The following SFI1 variants were observed in gnomAD, a reference collection of about 807,000 sequenced individuals.
SFI1 encodes the protein SFI1 centrin binding protein, also known as protein SFI1 homolog.
A neutral mutation model predicts 207.5 loss-of-function variants in SFI1; 195 were observed. The observed-to-expected ratio is 0.94, with a 90% confidence interval of 0.84 to 1.06. The LOEUF (loss-of-function observed/expected upper bound fraction) is 1.06. SFI1 is among the 50% of genes least tolerant of loss of function. SFI1 has a pLI of 0.00. For synonymous variants in SFI1, 630 were observed against 598.9 expected, an observed-to-expected ratio of 1.05 and a Z score of -0.76; for missense variants, 1,634 against 1,588.0, an observed-to-expected ratio of 1.03 and a Z score of -0.49.
At chr22:31,595,114 A>T (rs569559467) in intron 15 of SFI1, among the ~76,000 whole-genome samples, 20 of 152,036 alleles carry the variant, frequency 1.3e-4, no homozygotes, top group Non-Finnish European at 2.5e-4. Flanking sequence ...CTCCTGCCTC[A>T]GCCTCCCAAG....
intron 1 of SFI1, among the ~76,000 whole-genome samples, chr22:31,499,659 A>G (rs1282250266): frequency 1.3e-5 from 2 of 152,200 alleles, no homozygotes; most frequent in African/African-American, 4.8e-5. Context: ...ATTACATGCT[A>G]TAGAGAAATC....
intron 8 of SFI1, among the ~76,000 whole-genome samples, chr22:31,562,050 A>C (rs1296656821): frequency 6.6e-6 from 1 of 152,226 alleles, no homozygotes; most frequent in Non-Finnish European, 1.5e-5. Flanking sequence ...AGTCCATGTG[A>C]ATACGTGCAG....
intron 2 of SFI1, among the ~76,000 whole-genome samples, chr22:31,511,192 T>C (rs2055449946): frequency 6.6e-6 from 1 of 152,116 alleles, no homozygotes; most frequent in Admixed American, 6.6e-5. Flanking sequence ...AGAATGAATT[T>C]GGTTGATCCA....
chr22:31,513,662 C>T (rs1569182532), intron 2 of SFI1, among the ~76,000 whole-genome samples: 1 of 151,846 alleles, frequency 6.6e-6, no homozygotes, highest in Non-Finnish European at 1.5e-5. Flanking sequence ...ACTGCAACCT[C>T]CGTCTCCTGG....
chr22:31,613,552 G>C (rs1382525763), intron 26 of SFI1, 22 bp downstream of exon 26: 1 of 1,580,200 alleles, frequency 6.3e-7, no homozygotes, highest in African/African-American at 1.3e-5. Flanking sequence ...GCCCCTTCCT[G>C]TGGGGAGCAG....
chr22:31,528,893 G>A (rs773481786), intron 3 of SFI1, 30 bp downstream of exon 3: 43 of 1,573,288 alleles, frequency 2.7e-5, no homozygotes, highest in Non-Finnish European at 3.5e-5. Flanking sequence ...CCAGTCTATG[G>A]GTACTTTGCT....
At chr22:31,508,417 T>C (rs1277631616) in intron 2 of SFI1, 41 bp downstream of exon 2, 2 of 1,366,230 alleles carry the variant, frequency 1.5e-6, no homozygotes, top group East Asian at 2.3e-5. Context: ...ACTGGAATGA[T>C]GGTTCATATA....
chr22:31,583,108 G>GTTGT lies in SFI1; in HGVS notation c.1249-747_1249-744dup, dbSNP rs566148743. Among the ~76,000 whole-genome samples, 257 of 151,308 alleles carry GTTGT rather than the reference G, an allele frequency of 1.7e-3. 1 individual carries two copies. The highest frequency in any genetic ancestry group is 0.01 in the Middle Eastern group (3 of 294). On this transcript the variant is annotated intron_variant, in intron 12 of 32. Transcript: ENST00000400288. ...CTAGCCTTGTATAATTTTTTTTGTTGTTGTTTGTTTGTTTGTTTGTTTGAG... is the reference window on the plus strand; with the variant it reads ...CTAGCCTTGTATAATTTTTTTTGTTGTTGTTTGTTTGTTTGTTTGTTTGTTTGAG...
chr22:31,529,492 C>T (rs2058260808), intron 3 of SFI1, among the ~76,000 whole-genome samples: 1 of 152,164 alleles, frequency 6.6e-6, no homozygotes, highest in South Asian at 2.1e-4. Context: ...CTCCACTGCC[C>T]TCCAGCCTGG....
intron 2 of SFI1, among the ~76,000 whole-genome samples, chr22:31,513,561 C>T (rs886634826): frequency 1.3e-4 from 19 of 146,132 alleles, no homozygotes; most frequent in African/African-American, 2.3e-4. Context: ...TTTGGTTTTT[C>T]GTTTTGTTTT....
chr22:31,512,729 C>T (rs903826103), intron 2 of SFI1, among the ~76,000 whole-genome samples: 6 of 151,732 alleles, frequency 4.0e-5, no homozygotes, highest in African/African-American at 1.5e-4. Flanking sequence ...CTCTGTTGCC[C>T]AGGCTGGAGT....
At chr22:31,573,285 A>T (rs2063137948) in intron 9 of SFI1, 71 bp downstream of exon 9, 6 of 1,547,490 alleles carry the variant, frequency 3.9e-6, no homozygotes, top group Non-Finnish European at 5.3e-6. Flanking sequence ...TGCCAGTGGT[A>T]CTGTACTAAG....
chr22:31,589,211 CGT>C (rs10597618), intron 14 of SFI1, among the ~76,000 whole-genome samples: 107,398 of 149,744 alleles, frequency 0.72, 38,639 homozygotes, highest in Non-Finnish European at 0.75. Flanking sequence ...TATGTGTGTG[CGT>C]GTGTGTGTGT....
chr22:31,583,234 C>T (rs1008704355), intron 12 of SFI1, among the ~76,000 whole-genome samples: 3 of 152,214 alleles, frequency 2.0e-5, no homozygotes, highest in African/African-American at 7.2e-5. Flanking sequence ...CTGCCTCAGC[C>T]TCCCAAGTAG....
At chr22:31,548,875 G>A (rs984334237) in intron 5 of SFI1, among the ~76,000 whole-genome samples, 1 of 151,862 alleles carries the variant, frequency 6.6e-6, no homozygotes, top group African/African-American at 2.4e-5. Context: ...AATATGAAGA[G>A]ATGAAGGTCT....
chr22:31,586,228 G>A (rs2065010657), intron 14 of SFI1, among the ~76,000 whole-genome samples: 1 of 151,918 alleles, frequency 6.6e-6, no homozygotes, highest in African/African-American at 2.4e-5. Context: ...CAGCTCAGAT[G>A]TCACCTCCTC....
chr22:31,590,870 A>G (rs2065767280), intron 15 of SFI1, among the ~76,000 whole-genome samples: 1 of 149,324 alleles, frequency 6.7e-6, no homozygotes, highest in Non-Finnish European at 1.5e-5. Flanking sequence ...TTATTTTTAT[A>G]TATATTTTTA....
Position 31,546,962 on chromosome 22 carries a change from G to C in SFI1, c.440G>C (p.Cys147Ser), listed in dbSNP as rs1403495602. The C allele has an allele frequency of 6.2e-7, 1 of 1,604,238 alleles. No individual in the cohort carries two copies. Among genetic ancestry groups the C allele is most frequent in the African/African-American group, 1.3e-5 (1 of 74,650 alleles). ...TGGAAACTCTGTGTTCGAGCTGACT[G>C]TCACTACAGGTCAGGTTTCATGTTA... is the stretch of plus-strand genomic sequence containing the variant. ...HEWKLCVRAD[C>S]HYRYYLYNLM... The change falls in exon 5 of 33, where the codon TGT (cysteine) becomes TCT (serine). Residue 147 changes from cysteine to serine, a missense_variant. By Grantham distance (112) the Cys-to-Ser change is moderately radical. Coordinates refer to ENST00000400288, the MANE Select transcript of SFI1 (RefSeq NM_001007467.3).
At chr22:31,612,876 A>G (rs1381397567) in intron 24 of SFI1, 1 of 489,916 alleles carries the variant, frequency 2.0e-6, no homozygotes, top group Non-Finnish European at 3.7e-6. Context: ...TGTTTTCACC[A>G]TTCCCCGGAC....
Sources: allele counts gnomAD v4.1 joint callset (sites outside exome capture counted in the v4.1 genomes callset), GRCh38; gene constraint gnomAD v4.1.1; transcripts MANE v1.5; gene names NCBI Gene and HGNC (gene_info 2026-07-23, HGNC 2026-07-21).